PEAK1: variants seen among roughly 807,000 people sequenced by gnomAD.
PEAK1 encodes the protein pseudopodium enriched atypical kinase 1.
In PEAK1, 54 loss-of-function variants were observed where a neutral mutation model predicts 124.7. That is an observed-to-expected ratio of 0.43 (90% CI 0.35 to 0.54). PEAK1 has a LOEUF of 0.54. Ranked by LOEUF, PEAK1 falls within the 20% of genes least tolerant of loss-of-function variation. The pLI is 0.01. For missense variants in PEAK1, 2,046 were observed against 2,134.5 expected, an observed-to-expected ratio of 0.96 and a Z score of 0.82; for synonymous variants, 719 against 760.0, an observed-to-expected ratio of 0.95 and a Z score of 0.89.
intron 6 of PEAK1, among the ~76,000 whole-genome samples, chr15:77,206,308 G>A (rs1319103123): frequency 6.7e-5 from 10 of 148,550 alleles, no homozygotes; most frequent in Non-Finnish European, 1.3e-4. Context: ...TGTCTTTATA[G>A]CAGCATGATT....
At chr15:77,152,367 A>G (rs1341836007) in intron 8 of PEAK1, among the ~76,000 whole-genome samples, 11 of 152,012 alleles carry the variant, frequency 7.2e-5, no homozygotes, top group Non-Finnish European at 1.6e-4. Context: ...GAAGTTGCTT[A>G]TCAGCTTAAG....
intron 2 of PEAK1, chr15:77,351,673 C>T (rs2067219408): frequency 5.4e-6 from 5 of 924,710 alleles, no homozygotes; most frequent in Admixed American, 6.2e-5. Context: ...TTTGTTTGTG[C>T]GTTTTGTCCA....
chr15:77,177,221 G>T (rs2056940274), intron 7 of PEAK1, among the ~76,000 whole-genome samples: 1 of 152,130 alleles, frequency 6.6e-6, no homozygotes, highest in Non-Finnish European at 1.5e-5. Flanking sequence ...CTCCCAAAGT[G>T]CTGGGATTTC....
At chr15:77,316,339 C>T (rs1340462893) in intron 2 of PEAK1, among the ~76,000 whole-genome samples, 1 of 152,160 alleles carries the variant, frequency 6.6e-6, no homozygotes, top group Non-Finnish European at 1.5e-5. Flanking sequence ...TTTTGACATA[C>T]AGCCTTCCAG....
At chr15:77,420,171 C>G (rs1324255439), upstream of PEAK1, 1 of 150,940 alleles carries the variant, frequency 6.6e-6, no homozygotes, top group Non-Finnish European at 1.5e-5. Context: ...TCGCCGCCCG[C>G]CCAGCCCACC....
chr15:77,323,321 T>C (rs1157151359), intron 2 of PEAK1, among the ~76,000 whole-genome samples: 1 of 151,732 alleles, frequency 6.6e-6, no homozygotes, highest in African/African-American at 2.4e-5. Flanking sequence ...GGTATTCAAT[T>C]AGGAAAAGAG....
At chr15:77,183,528 C>T (rs938973769) in intron 6 of PEAK1, among the ~76,000 whole-genome samples, 1 of 151,726 alleles carries the variant, frequency 6.6e-6, no homozygotes, top group African/African-American at 2.4e-5. Context: ...AACTTTGAAC[C>T]CCCATCAAGC....
intron 9 of PEAK1, among the ~76,000 whole-genome samples, chr15:77,129,598 G>GT: frequency 1.7e-5 from 2 of 120,184 alleles, no homozygotes; most frequent in Admixed American, 8.8e-5. Context: ...ACAATGACTG[G>GT]CTATTTTTTT....
chr15:77,197,659 C>T (rs1300087430), intron 6 of PEAK1, among the ~76,000 whole-genome samples: 1 of 152,032 alleles, frequency 6.6e-6, no homozygotes, highest in East Asian at 1.9e-4. Flanking sequence ...GAAAACAAGA[C>T]ATCAAAACCA....
chr15:77,188,159 A>T (rs768876476), intron 6 of PEAK1, among the ~76,000 whole-genome samples: 2 of 152,212 alleles, frequency 1.3e-5, no homozygotes, highest in Admixed American at 1.3e-4. Flanking sequence ...AAAAATTATC[A>T]TTCCTTGCTA....
chr15:77,239,375 A>G (rs2060260094), intron 6 of PEAK1, among the ~76,000 whole-genome samples: 1 of 152,214 alleles, frequency 6.6e-6, no homozygotes, highest in Non-Finnish European at 1.5e-5. Flanking sequence ...CAGTAGCAGA[A>G]AAACTGCAGG....
chr15:77,308,660 C>T (rs995697285), intron 2 of PEAK1, among the ~76,000 whole-genome samples: 5 of 151,962 alleles, frequency 3.3e-5, no homozygotes, highest in African/African-American at 9.7e-5. Context: ...CACTGAGCAC[C>T]GAGGTTTACG....
chr15:77,403,421 C>T (rs2071542128), intron 1 of PEAK1: 1 of 918,090 alleles, frequency 1.1e-6, no homozygotes, highest in African/African-American at 1.8e-5. Context: ...CCATGATAGG[C>T]AATCTTACAT....
chr15:77,374,067 T>C (rs1191674796), intron 1 of PEAK1, among the ~76,000 whole-genome samples: 3 of 152,242 alleles, frequency 2.0e-5, no homozygotes, highest in African/African-American at 2.4e-5. Flanking sequence ...ATTTTTAATG[T>C]TTTTAAATAA....
At position 77,287,807 on chromosome 15, in the gene PEAK1, T is replaced by C. The variant is rs2063005370; in HGVS notation, c.-602-1303A>G. Among the ~76,000 whole-genome samples the C allele has an allele frequency of 2.0e-5, 3 of 152,332 alleles. No individual in the cohort carries two copies. The South Asian group carries it at 6.2e-4, about 32-fold the overall frequency. On this transcript the variant is annotated intron_variant, in intron 2 of 9. Transcript: ENST00000682557. ...TCATCTTTTCCTAAAATCTGTTCCT[T>C]TTTAAAGTCCCTGTCACAGCAGAAC...
At chr15:77,310,612 C>T (rs1282739272) in intron 2 of PEAK1, among the ~76,000 whole-genome samples, 1 of 152,136 alleles carries the variant, frequency 6.6e-6, no homozygotes, top group Non-Finnish European at 1.5e-5. Context: ...TCTAGAAGGG[C>T]ACATGCAGAA....
chr15:77,163,797 T>G (rs758169073), intron 7 of PEAK1, among the ~76,000 whole-genome samples: 4 of 151,342 alleles, frequency 2.6e-5, no homozygotes. Flanking sequence ...GTTAGCTCTG[T>G]TCAGCAGGTA....
chr15:77,214,973 G>A (rs1268945255), intron 6 of PEAK1, among the ~76,000 whole-genome samples: 1 of 152,118 alleles, frequency 6.6e-6, no homozygotes, highest in Non-Finnish European at 1.5e-5. Flanking sequence ...ACCTTAAAAT[G>A]GAATTGCTAG....
intron 1 of PEAK1, among the ~76,000 whole-genome samples, chr15:77,374,325 A>G (rs971579166): frequency 5.9e-5 from 9 of 152,192 alleles, no homozygotes; most frequent in African/African-American, 2.2e-4. Context: ...TATTAATTAT[A>G]AACAGAATAC....
Sources: allele counts gnomAD v4.1 joint callset (sites outside exome capture counted in the v4.1 genomes callset), GRCh38; gene constraint gnomAD v4.1.1; transcripts MANE v1.5; gene names NCBI Gene and HGNC (gene_info 2026-07-23, HGNC 2026-07-21).